CADPS: variants seen among roughly 807,000 people sequenced by gnomAD.
CADPS encodes calcium dependent secretion activator.
CADPS carries 57 observed loss-of-function variants against 167.3 expected under a neutral mutation model. The observed-to-expected ratio is 0.34, with a 90% CI of 0.28 to 0.42. CADPS has a LOEUF of 0.42. Among genes scored for constraint, CADPS ranks in the 20% least tolerant of loss-of-function variants. The probability of loss-of-function intolerance (pLI) is 1.00; values close to 1 mark genes in which losing one functional copy is unlikely to be tolerated. For missense variants in CADPS, 1,414 were observed against 1,738.1 expected, an observed-to-expected ratio of 0.81 and a Z score of 3.32; for synonymous variants, 676 against 635.3, an observed-to-expected ratio of 1.06 and a Z score of -0.96.
chr3:62,615,947 GAGA>G (rs1020153495), intron 6 of CADPS, among the ~76,000 whole-genome samples: 19 of 152,224 alleles, frequency 1.2e-4, no homozygotes, highest in Admixed American at 4.6e-4. Flanking sequence ...TCTCATGATG[GAGA>G]AGAACAGATT....
At chr3:62,552,012 A>AC (rs1271087972) in intron 10 of CADPS, among the ~76,000 whole-genome samples, 2 of 152,108 alleles carry the variant, frequency 1.3e-5, no homozygotes, top group African/African-American at 4.8e-5. Context: ...TATTTTGCTT[A>AC]CTGCTGTATC....
chr3:62,518,109 C>T (rs1407833767), intron 14 of CADPS, 40 bp downstream of exon 14: 1 of 1,396,662 alleles, frequency 7.2e-7, no homozygotes, highest in Admixed American at 1.7e-5. Flanking sequence ...CCTTCCCACT[C>T]TCATCTCCTA....
chr3:62,469,314 T>G (rs957750887), intron 24 of CADPS, among the ~76,000 whole-genome samples: 1 of 152,210 alleles, frequency 6.6e-6, no homozygotes, highest in African/African-American at 2.4e-5. Flanking sequence ...CTTTCACTCC[T>G]TGATCTTTCT....
chr3:62,499,164 C>G lies in CADPS; in HGVS notation c.2704G>C (p.Glu902Gln). 6.2e-7 allele frequency: 1 copy of G among 1,603,424 alleles called. No individual in the cohort carries two copies. Among genetic ancestry groups the G allele is most frequent in the Non-Finnish European group, 8.5e-7 (1 of 1,170,256 alleles). Residue 902 changes from glutamate to glutamine, a missense_variant and splice_region_variant, in exon 18 of 30, where the codon GAG becomes CAG. Around this residue, in one of 6 missense-constraint regions of CADPS, gnomAD observed 529 missense variants for 629.6 expected, o/e 0.84. Coordinates refer to ENST00000383710, the MANE Select transcript of CADPS (RefSeq NM_003716.4). ...VLQQNEEHHAEPHVDKGEAFA... is the reference protein window; with the variant it reads ...VLQQNEEHHAQPHVDKGEAFA... ...CACTTCCCACCAAGCCTGCTCACCT[C>G]TGCGTGGTGCTCCTCATTTTGCTGA...
chr3:62,582,333 C>G (rs371294972), intron 8 of CADPS, among the ~76,000 whole-genome samples: 9 of 152,280 alleles, frequency 5.9e-5, no homozygotes, highest in African/African-American at 2.2e-4. Flanking sequence ...GTGGTCCCAG[C>G]TACTTGGGAA....
chr3:62,804,808 A>T (rs913074001), intron 1 of CADPS, among the ~76,000 whole-genome samples: 4 of 152,158 alleles, frequency 2.6e-5, no homozygotes, highest in African/African-American at 4.8e-5. Context: ...TTTACTTCAA[A>T]TGGTGAAAAG....
At chr3:62,814,008 C>T (rs904740768) in intron 1 of CADPS, among the ~76,000 whole-genome samples, 1 of 152,140 alleles carries the variant, frequency 6.6e-6, no homozygotes, top group African/African-American at 2.4e-5. Flanking sequence ...TATCTCTGCA[C>T]ACAGCACTTA....
intron 1 of CADPS, among the ~76,000 whole-genome samples, chr3:62,851,245 C>G (rs2078519037): frequency 7.2e-6 from 1 of 139,626 alleles, no homozygotes; most frequent in Admixed American, 7.4e-5. Context: ...CAGTCTGTGT[C>G]TTTTAATTGG....
chr3:62,492,861 A>G (rs146308773), intron 19 of CADPS, among the ~76,000 whole-genome samples: 1 of 152,108 alleles, frequency 6.6e-6, no homozygotes, highest in Non-Finnish European at 1.5e-5. Context: ...GAAAATTTGT[A>G]ATTATTGTTC....
intron 3 of CADPS, among the ~76,000 whole-genome samples, chr3:62,714,479 C>T (rs1455311164): frequency 2.0e-5 from 3 of 152,070 alleles, no homozygotes; most frequent in African/African-American, 4.8e-5. Flanking sequence ...AATTACCACA[C>T]GGCTGTGATT....
intron 1 of CADPS, among the ~76,000 whole-genome samples, chr3:62,827,720 A>G (rs954942593): frequency 2.6e-5 from 4 of 152,208 alleles, no homozygotes; most frequent in African/African-American, 9.6e-5. Flanking sequence ...TAATGAATCA[A>G]AACAACCATC....
chr3:62,619,204 G>A (rs77069381), intron 6 of CADPS, among the ~76,000 whole-genome samples: 1 of 152,140 alleles, frequency 6.6e-6, no homozygotes, highest in Non-Finnish European at 1.5e-5. Flanking sequence ...GTGACTACTG[G>A]TCTAATTTGT....
At chr3:62,832,083 A>G (rs1006024318) in intron 1 of CADPS, among the ~76,000 whole-genome samples, 2 of 152,248 alleles carry the variant, frequency 1.3e-5, no homozygotes. Flanking sequence ...ATGCATGGAA[A>G]TAACAAACTG....
intron 3 of CADPS, among the ~76,000 whole-genome samples, chr3:62,742,605 C>A (rs575961202): frequency 6.6e-6 from 1 of 152,166 alleles, no homozygotes; most frequent in Non-Finnish European, 1.5e-5. Context: ...ACCTTCCTTA[C>A]ACCATACACA....
At chr3:62,417,469 G>A (rs1393271701) in intron 28 of CADPS, among the ~76,000 whole-genome samples, 1 of 151,402 alleles carries the variant, frequency 6.6e-6, no homozygotes, top group East Asian at 2.0e-4. Context: ...ATTTTTAGTA[G>A]AGATGGGGTT....
intron 11 of CADPS, among the ~76,000 whole-genome samples, chr3:62,549,590 T>C (rs2077014027): frequency 6.6e-6 from 1 of 151,998 alleles, no homozygotes; most frequent in Non-Finnish European, 1.5e-5. Flanking sequence ...ACATACATAA[T>C]CTACTATATT....
Position 62,612,221 on chromosome 3 carries a change from T to C in CADPS, c.1326-19473A>G, listed in dbSNP as rs1343891681. Among the ~76,000 whole-genome samples, 10 of 152,212 alleles carry C rather than the reference T, an allele frequency of 6.6e-5. No individual in the cohort carries two copies. In the East Asian group the frequency reaches 1.7e-3, roughly 26 times the overall value. ...GCTACTTAAATTATTTGGGCTTCAG[T>C]TTCCTCACCTGAAAAGTTATCAGAG... is the stretch of plus-strand genomic sequence containing the variant. On this transcript the variant is annotated intron_variant, in intron 6 of 29. Transcript: ENST00000383710.
intron 5 of CADPS, among the ~76,000 whole-genome samples, chr3:62,650,190 A>C (rs922278710): frequency 6.6e-6 from 1 of 152,104 alleles, no homozygotes; most frequent in South Asian, 2.1e-4. Context: ...TTATATTCCC[A>C]TCCCCTCGAG....
At chr3:62,740,391 T>C (rs2079952670) in intron 3 of CADPS, among the ~76,000 whole-genome samples, 1 of 152,212 alleles carries the variant, frequency 6.6e-6, no homozygotes, top group Non-Finnish European at 1.5e-5. Context: ...GCTCACTTAA[T>C]GCCCCATGAG....
Sources: allele counts gnomAD v4.1 joint callset (sites outside exome capture counted in the v4.1 genomes callset), GRCh38; gene constraint gnomAD v4.1.1; regional missense constraint gnomAD v4.1.1; transcripts MANE v1.5; gene names NCBI Gene and HGNC (gene_info 2026-07-23, HGNC 2026-07-21).